NUCB2: variants seen among roughly 807,000 people sequenced by gnomAD.
The protein encoded by NUCB2 is nucleobindin 2, also known as nucleobindin-2.
In NUCB2, 48 loss-of-function variants were observed where a neutral mutation model predicts 57.9. The observed-to-expected ratio is 0.83, with a 90% confidence interval of 0.66 to 1.05. The LOEUF (loss-of-function observed/expected upper bound fraction) is 1.05. Among genes scored for constraint, NUCB2 ranks in the 50% least tolerant of loss-of-function variants. The pLI, the probability that NUCB2 is intolerant of heterozygous loss-of-function variation, is 0.00. For missense variants in NUCB2, 442 were observed against 476.2 expected (o/e 0.93, Z 0.67); for synonymous variants, 139 against 152.1 (o/e 0.91, Z 0.64).
At chr11:17,328,398 C>T (rs1950962000) in intron 11 of NUCB2, among the ~76,000 whole-genome samples, 1 of 152,132 alleles carries the variant, frequency 6.6e-6, no homozygotes, top group Non-Finnish European at 1.5e-5. Flanking sequence ...GGCGAGTTCC[C>T]CCAGATCCTG....
intron 5 of NUCB2, among the ~76,000 whole-genome samples, chr11:17,305,710 C>A (rs1034631201): frequency 6.6e-5 from 10 of 151,930 alleles, no homozygotes; most frequent in African/African-American, 2.4e-4. Context: ...CAGCCTCAGA[C>A]TCCTGGGCTC....
intron 2 of NUCB2, among the ~76,000 whole-genome samples, chr11:17,340,334 G>A (rs1347353035): frequency 6.6e-6 from 1 of 152,132 alleles, no homozygotes; most frequent in Non-Finnish European, 1.5e-5. Context: ...CTTTTGCTGT[G>A]CAGAAGCTCT....
chr11:17,321,988 T>C (rs1034034230), intron 11 of NUCB2, among the ~76,000 whole-genome samples: 6 of 152,196 alleles, frequency 3.9e-5, no homozygotes, highest in African/African-American at 1.2e-4. Flanking sequence ...ATATTCTAGT[T>C]ATTAATCCCT....
Position 17,341,530 on chromosome 11 carries a change from T to C in NUCB2, n.2626+3996T>C, listed in dbSNP as rs924474614. 1.1e-3 allele frequency among the ~76,000 whole-genome samples: 172 copies of C among 152,328 alleles called. No individual in the cohort carries two copies. In the East Asian group the frequency reaches 0.027, roughly 24 times the overall value. ...ATTGAGAGTTTTTAGCATGAAGTGT[T>C]GTTGAATTTTGTCAAAGGCCTTTTC... On this transcript the variant is annotated intron_variant and non_coding_transcript_variant, in intron 2 of 2. Transcript: ENST00000532240.
chr11:17,323,519 G>T (rs1950286609), intron 11 of NUCB2, among the ~76,000 whole-genome samples: 1 of 152,108 alleles, frequency 6.6e-6, no homozygotes. Flanking sequence ...AGAGCTATTG[G>T]CTTGTAATTT....
At chr11:17,317,336 A>T (rs1317644243) in intron 11 of NUCB2, among the ~76,000 whole-genome samples, 1 of 152,164 alleles carries the variant, frequency 6.6e-6, no homozygotes, top group African/African-American at 2.4e-5. Flanking sequence ...GTACATATAT[A>T]TAAAGTTTTG....
intron 5 of NUCB2, among the ~76,000 whole-genome samples, chr11:17,303,675 A>G (rs1947141251): frequency 6.6e-6 from 1 of 152,146 alleles, no homozygotes; most frequent in South Asian, 2.1e-4. Flanking sequence ...ACCTGAGGTC[A>G]GGAGATTGAG....
chr11:17,288,882 TACACACACACACACACAC>T lies in NUCB2; in HGVS notation c.-1+5991_-1+6008del, dbSNP rs1167995024. Among the ~76,000 whole-genome samples, 383 of 44,644 alleles carry T rather than the reference TACACACACACACACACAC, an allele frequency of 8.6e-3. 19 individuals are homozygous for T. Among genetic ancestry groups the T allele is most frequent in the African/African-American group, 0.027 (283 of 10,630 alleles). The allele number at this position is 44,644 out of a possible 152,430, so 29.3% of individuals were successfully genotyped here. A position where few individuals can be genotyped will look rare whatever the true frequency, so the allele number is the denominator to read the frequency against. On this transcript the variant is annotated intron_variant, in intron 2 of 13. Coordinates refer to ENST00000529010, the MANE Select transcript of NUCB2 (RefSeq NM_005013.4). ...TAAAGTCTATTTAATAACATGTATA[TACACACACACACACACAC>T]ACACACACACACACACACACACACA...
chr11:17,341,363 G>A (rs1173838231), intron 2 of NUCB2, among the ~76,000 whole-genome samples: 1 of 151,724 alleles, frequency 6.6e-6, no homozygotes, highest in Admixed American at 6.6e-5. Context: ...TTGAATAGGA[G>A]TGGTGAGAGA....
intron 2 of NUCB2, among the ~76,000 whole-genome samples, chr11:17,345,426 T>A (rs1952633178): frequency 6.6e-6 from 1 of 152,190 alleles, no homozygotes; most frequent in Non-Finnish European, 1.5e-5. Context: ...GTAACCTTTT[T>A]GGCTGGGTGC....
chr11:17,348,398 A>G (rs1952945803), intron 2 of NUCB2, among the ~76,000 whole-genome samples: 1 of 128,270 alleles, frequency 7.8e-6, no homozygotes, highest in South Asian at 2.4e-4. Context: ...GCAGTGGTGC[A>G]ATCATGGCTC....
intron 2 of NUCB2, among the ~76,000 whole-genome samples, chr11:17,284,834 C>T (rs1943346694): frequency 6.6e-6 from 1 of 152,052 alleles, no homozygotes; most frequent in African/African-American, 2.4e-5. Flanking sequence ...GTTTTGTAAG[C>T]AGCATTTTAA....
At chr11:17,344,841 G>C (rs1419559169) in intron 2 of NUCB2, among the ~76,000 whole-genome samples, 1 of 152,212 alleles carries the variant, frequency 6.6e-6, no homozygotes, top group African/African-American at 2.4e-5. Context: ...TGGCTCTGGT[G>C]ACTTCCTGAT....
chr11:17,331,794 C>T lies in NUCB2; in HGVS notation c.*375C>T, dbSNP rs556806067. The T allele has an allele frequency of 3.1e-4, 54 of 176,570 alleles. 1 individual carries two copies. In the East Asian group the frequency reaches 7.3e-3, roughly 24 times the overall value. 10.9% of individuals were successfully genotyped at this position (176,570 alleles called of 1,614,324 possible). A position where few individuals can be genotyped will look rare whatever the true frequency, so the allele number is the denominator to read the frequency against. On this transcript the variant is annotated 3_prime_UTR_variant, in exon 14 of 14. Coordinates refer to ENST00000529010, the MANE Select transcript of NUCB2 (RefSeq NM_005013.4). Reference sequence around the variant, plus strand: ...TTAAATTAGATTGCTCTCACTTACTCGTAAACATAGGTATTCTTTTATGGG... The same window carrying T: ...TTAAATTAGATTGCTCTCACTTACTTGTAAACATAGGTATTCTTTTATGGG...
At chr11:17,326,983 T>A (rs570278979) in intron 11 of NUCB2, among the ~76,000 whole-genome samples, 1 of 152,344 alleles carries the variant, frequency 6.6e-6, no homozygotes, top group South Asian at 2.1e-4. Context: ...GAATATACTA[T>A]TCCAGGGTAA....
intron 2 of NUCB2, among the ~76,000 whole-genome samples, chr11:17,287,400 G>A (rs12280534): frequency 0.019 from 2,835 of 152,154 alleles, 91 homozygotes; most frequent in African/African-American, 0.065. Flanking sequence ...GGCCGGGCGT[G>A]GTGGCTCACA....
chr11:17,285,843 A>G (rs771549288), intron 2 of NUCB2, among the ~76,000 whole-genome samples: 3 of 150,628 alleles, frequency 2.0e-5, no homozygotes, highest in Non-Finnish European at 4.4e-5. Context: ...CACCCTGGTT[A>G]TCTATGGTAA....
intron 5 of NUCB2, among the ~76,000 whole-genome samples, chr11:17,307,580 A>G (rs1565421527): frequency 1.3e-5 from 2 of 152,152 alleles, no homozygotes; most frequent in South Asian, 2.1e-4. Context: ...TATTTTGAAT[A>G]TCTTTCTGTA....
At chr11:17,325,082 C>T (rs886522640) in intron 11 of NUCB2, among the ~76,000 whole-genome samples, 1 of 152,110 alleles carries the variant, frequency 6.6e-6, no homozygotes, top group Non-Finnish European at 1.5e-5. Context: ...GGATTACAGG[C>T]TTGGGCCACC....
Sources: gnomAD v4.1 joint callset for allele counts (sites outside exome capture counted in the v4.1 genomes callset) on GRCh38, gnomAD v4.1.1 for gene constraint, MANE v1.5 for transcripts, NCBI Gene and HGNC (gene_info 2026-07-23, HGNC 2026-07-21) for gene names.